The following CAPN13 variants were observed in gnomAD, a reference collection of about 807,000 sequenced individuals.
The protein encoded by CAPN13 is calpain 13.
In CAPN13, 90 loss-of-function variants were observed where a neutral mutation model predicts 98.4. The observed-to-expected ratio is 0.92, with a 90% CI of 0.77 to 1.09. The LOEUF is 1.09. Among genes scored for constraint, CAPN13 ranks in the 50% least tolerant of loss-of-function variants. The probability of loss-of-function intolerance (pLI) is 0.00; values close to 1 mark genes in which losing one functional copy is unlikely to be tolerated. For synonymous variants in CAPN13, 330 were observed against 305.5 expected (o/e 1.08, Z -0.84); for missense variants, 887 against 841.3 (o/e 1.05, Z -0.67).
intron 7 of CAPN13, among the ~76,000 whole-genome samples, chr2:30,761,239 T>G (rs1244730005): frequency 6.6e-6 from 1 of 152,156 alleles, no homozygotes; most frequent in African/African-American, 2.4e-5. Flanking sequence ...GGAGCAGGGA[T>G]GGATTACACG....
intron 21 of CAPN13, 99 bp from the exon 22 acceptor site, chr2:30,730,885 C>A: frequency 1.3e-6 from 1 of 756,732 alleles, no homozygotes; most frequent in Non-Finnish European, 2.5e-6. Context: ...GACCTCAGTC[C>A]AGTCTCATCA....
At chr2:30,765,542 G>A (rs1673069181) in intron 5 of CAPN13, among the ~76,000 whole-genome samples, 1 of 152,206 alleles carries the variant, frequency 6.6e-6, no homozygotes, top group African/African-American at 2.4e-5. Context: ...CTCCAACTGG[G>A]TCTTCCACAC....
chr2:30,746,366 C>A (rs1056373556), intron 11 of CAPN13: 1 of 153,298 alleles, frequency 6.5e-6, no homozygotes, highest in African/African-American at 2.4e-5. Flanking sequence ...AATCTGCAGA[C>A]GAGTTTTAAC....
At chr2:30,767,775 C>A (rs1673184758) in intron 5 of CAPN13, among the ~76,000 whole-genome samples, 1 of 152,172 alleles carries the variant, frequency 6.6e-6, no homozygotes, top group African/African-American at 2.4e-5. Context: ...TCTTGAGGCA[C>A]CTCACTGTTT....
At chr2:30,780,452 T>G (rs1317872637) in intron 2 of CAPN13, among the ~76,000 whole-genome samples, 1 of 152,244 alleles carries the variant, frequency 6.6e-6, no homozygotes, top group African/African-American at 2.4e-5. Context: ...AGCACTTACA[T>G]GGGCCAAAGG....
intron 1 of CAPN13, among the ~76,000 whole-genome samples, chr2:30,788,061 T>C (rs72783046): frequency 0.025 from 3,861 of 152,160 alleles, 74 homozygotes; most frequent in Admixed American, 0.045. Flanking sequence ...GGTGTAACTT[T>C]ATAGGTGGAG....
chr2:30,763,246 C>G, intron 6 of CAPN13, 90 bp from the exon 7 acceptor site: 2 of 1,098,566 alleles, frequency 1.8e-6, no homozygotes, highest in Non-Finnish European at 1.3e-6. Context: ...ACTGAGCCAT[C>G]TGGGCCTCAC....
chr2:30,741,813 T>G, intron 15 of CAPN13, 95 bp downstream of exon 15: 1 of 1,596,122 alleles, frequency 6.3e-7, no homozygotes, highest in African/African-American at 1.3e-5. Flanking sequence ...TCACTTCTCC[T>G]CTCTGCATCC....
At chr2:30,738,172 T>G (rs1205614176) in intron 17 of CAPN13, 63 bp downstream of exon 17, 1 of 1,582,018 alleles carries the variant, frequency 6.3e-7, no homozygotes, top group Non-Finnish European at 8.7e-7. Flanking sequence ...TAATTAGGTC[T>G]CTGGGGAAGC....
intron 10 of CAPN13, among the ~76,000 whole-genome samples, chr2:30,752,560 G>T (rs1672227184): frequency 6.6e-6 from 1 of 152,274 alleles, no homozygotes; most frequent in Non-Finnish European, 1.5e-5. Flanking sequence ...CTTGTGTCTA[G>T]GTAGTGCTCT....
At chr2:30,804,608 C>A (rs534812586) in intron 1 of CAPN13, among the ~76,000 whole-genome samples, 2 of 152,296 alleles carry the variant, frequency 1.3e-5, no homozygotes, top group Admixed American at 1.3e-4. Context: ...CAACAGCCCC[C>A]AAAATTAGTG....
At position 30,777,634 on chromosome 2, in the gene CAPN13, T is replaced by G; in HGVS notation, c.204A>C (p.Leu68=). The G allele has an allele frequency of 1.3e-6, 2 of 1,571,318 alleles. No homozygotes were observed. Among genetic ancestry groups the G allele is most frequent in the Non-Finnish European group, 1.7e-6 (2 of 1,156,368 alleles). ...GGATGAAGTGAGGAGGACCCCCTGG[T>G]AGATCCTTTAGGAAAGAGGGAGAAA... ...SNVIWKRPQD[L]PGGPPHFILD... is the part of the protein sequence containing the mutation. Residue 68 remains leucine, a synonymous_variant, in exon 3 of 23, where the codon CTA becomes CTC. Transcript: ENST00000295055.
At chr2:30,744,998 G>A (rs908434322) in intron 12 of CAPN13, among the ~76,000 whole-genome samples, 4 of 152,174 alleles carry the variant, frequency 2.6e-5, no homozygotes, top group African/African-American at 9.7e-5. Context: ...CTCTGTGGCT[G>A]GGCCACCACT....
intron 3 of CAPN13, among the ~76,000 whole-genome samples, 182 bp downstream of exon 3, chr2:30,777,385 T>A (rs563476526): frequency 7.7e-4 from 118 of 152,376 alleles, no homozygotes; most frequent in Non-Finnish European, 6.5e-4. Flanking sequence ...TTTGCTTTCA[T>A]TTTTCCTGTC....
chr2:30,770,301 G>T lies in CAPN13; in HGVS notation c.524+12C>A. 1 of 1,613,200 alleles carries T rather than the reference G, an allele frequency of 6.2e-7. No homozygotes were observed. The highest frequency in any genetic ancestry group is 1.1e-5 in the South Asian group (1 of 90,990). ...GAAACTCTGGGCTGATGGGTGGCGG[G>T]GTTGTACTTACTTGGCATAGGCCTT... is the stretch of plus-strand genomic sequence containing the variant. On this transcript the variant is annotated intron_variant, in intron 5 of 22. Transcript: ENST00000295055.
At chr2:30,727,508 T>G (rs1670898138) in intron 22 of CAPN13, among the ~76,000 whole-genome samples, 2 of 152,110 alleles carry the variant, frequency 1.3e-5, no homozygotes, top group Admixed American at 1.3e-4. Flanking sequence ...GACAAAGAAC[T>G]AAATGAACAT....
intron 22 of CAPN13, among the ~76,000 whole-genome samples, chr2:30,729,276 G>T (rs1226591041): frequency 6.6e-6 from 1 of 152,190 alleles, no homozygotes. Flanking sequence ...AGGAAGCTAG[G>T]GAAGCGCTCC....
intron 13 of CAPN13, chr2:30,743,031 T>C: frequency 3.6e-6 from 1 of 280,556 alleles, no homozygotes; most frequent in East Asian, 8.6e-5. Context: ...TACCTTCCCA[T>C]GGCTACCATC....
At chr2:30,783,028 G>A (rs1032292564) in intron 2 of CAPN13, among the ~76,000 whole-genome samples, 5 of 152,198 alleles carry the variant, frequency 3.3e-5, no homozygotes, top group Admixed American at 3.3e-4. Flanking sequence ...CATCATCACA[G>A]AATGTTCTAT....
Sources: allele counts gnomAD v4.1 joint callset (sites outside exome capture counted in the v4.1 genomes callset), GRCh38; gene constraint gnomAD v4.1.1; transcripts MANE v1.5; gene names NCBI Gene and HGNC (gene_info 2026-07-23, HGNC 2026-07-21).